Variants in IL1RN observed in about 807,000 individuals in gnomAD.
IL1RN encodes the protein interleukin-1 receptor antagonist protein.
IL1RN carries 10 observed loss-of-function variants against 13.7 expected under a neutral mutation model. The ratio of observed to expected loss-of-function variants is 0.73; its 90% confidence interval spans 0.45 to 1.24. The LOEUF (loss-of-function observed/expected upper bound fraction) is 1.24. IL1RN is among the 50% of genes most tolerant of loss of function. The probability of loss-of-function intolerance (pLI) is 0.00; values close to 1 mark genes in which losing one functional copy is unlikely to be tolerated. For synonymous variants in IL1RN, 102 were observed against 82.7 expected (o/e 1.23, Z -1.27); for missense variants, 213 against 222.1 (o/e 0.96, Z 0.26).
rs1484315177 is a variant in IL1RN, at chr2:113,133,438, G to T, written c.*567G>T. ...GAGGCTGAGGACTTAAAATATTCCT[G>T]CATTTGTGAAATGATGGTGAAAGTA... On this transcript the variant is annotated 3_prime_UTR_variant, in exon 4 of 4. Coordinates refer to ENST00000409930, the MANE Select transcript of IL1RN (RefSeq NM_173842.3). 6.4e-6 allele frequency: 1 copy of T among 157,286 alleles called. No individual in the cohort carries two copies. Among genetic ancestry groups the T allele is most frequent in the African/African-American group, 2.4e-5 (1 of 41,380 alleles). 9.7% of individuals were successfully genotyped at this position (157,286 alleles called of 1,614,324 possible). A position where few individuals can be genotyped will look rare whatever the true frequency, so the allele number is the denominator to read the frequency against.
At chr2:113,110,224 G>A (rs1366506094), upstream of IL1RN, among the ~76,000 whole-genome samples, 1 of 152,204 alleles carries the variant, frequency 6.6e-6, no homozygotes, top group Non-Finnish European at 1.5e-5. Context: ...TCCGGCAGTA[G>A]TGCCAACACT....
Position 113,131,112 on chromosome 2 carries a change from C to T in IL1RN, c.273C>T (p.Cys91=), listed in dbSNP as rs114573615. 2 of 1,613,552 alleles carry T rather than the reference C, an allele frequency of 1.2e-6. No homozygotes were observed. The highest frequency in any genetic ancestry group is 2.2e-5 in the East Asian group (1 of 44,880). ...TGGGAATCCATGGAGGGAAGATGTG[C>T]CTGTCCTGTGTCAAGTCTGGTGATG... The part of the protein sequence containing the change: ...LFLGIHGGKM[C]LSCVKSGDET... Residue 91 remains cysteine, a synonymous_variant, in exon 3 of 4, where the codon TGC becomes TGT. Coordinates refer to ENST00000409930, the MANE Select transcript of IL1RN (RefSeq NM_173842.3).
At position 113,121,045 on chromosome 2, in the gene IL1RN, CTCT is replaced by C. The variant is rs1265191762; in HGVS notation, c.73+929_73+931del. The stretch of plus-strand genomic sequence containing the variant: ...CCTCTTCTTCTTCTTCTTCTTCTTC[CTCT>C]TCTTCTTCTTCCTCCTCCTCCTCCT... On this transcript the variant is annotated intron_variant, in intron 2 of 5. Transcript: ENST00000259206. Among the ~76,000 whole-genome samples the C allele has an allele frequency of 1.2e-4, 7 of 58,474 alleles. No individual in the cohort carries two copies. In the South Asian group the frequency reaches 2.6e-3, roughly 22 times the overall value. The allele number at this position is 58,474 out of a possible 152,430, so 38.4% of individuals were successfully genotyped here.
chr2:113,128,190 C>T (rs954523626), intron 1 of IL1RN, among the ~76,000 whole-genome samples: 10 of 152,314 alleles, frequency 6.6e-5, no homozygotes, highest in East Asian at 1.9e-4. Context: ...ATGAGAGTCA[C>T]GATAACTCCT....
At chr2:113,121,662 G>C in intron 2 of IL1RN, 1 of 924,618 alleles carries the variant, frequency 1.1e-6, no homozygotes, top group Non-Finnish European at 1.3e-6. Context: ...GCTTCTTGTA[G>C]ATAACAGTTG....
chr2:113,105,341 T>C (rs947657574), upstream of IL1RN, among the ~76,000 whole-genome samples: 2 of 152,228 alleles, frequency 1.3e-5, no homozygotes, highest in African/African-American at 2.4e-5. Flanking sequence ...ATGGTGATTA[T>C]ATATCATCTC....
chr2:113,127,247 AC>A (rs1414455808), upstream of IL1RN, among the ~76,000 whole-genome samples: 2 of 152,194 alleles, frequency 1.3e-5, no homozygotes, highest in African/African-American at 2.4e-5. Context: ...TTATGAAAAA[AC>A]GGCCTTTCTG....
At chr2:113,114,789 G>A (rs550955658), upstream of IL1RN, among the ~76,000 whole-genome samples, 2 of 152,070 alleles carry the variant, frequency 1.3e-5, no homozygotes, top group Non-Finnish European at 2.9e-5. Flanking sequence ...AAATAGACAC[G>A]GTGCTTGCTG....
chr2:113,102,618 C>A (rs545404279), upstream of IL1RN, among the ~76,000 whole-genome samples: 8 of 152,086 alleles, frequency 5.3e-5, no homozygotes, highest in South Asian at 2.1e-4. Context: ...TGGGCTGAGT[C>A]TGAAAGAGAG....
chr2:113,124,085 T>G (rs1056738958), upstream of IL1RN, among the ~76,000 whole-genome samples: 1 of 152,088 alleles, frequency 6.6e-6, no homozygotes. Flanking sequence ...GCTTAGACAC[T>G]CCTGTTGTCT....
the IL1RN span, among the ~76,000 whole-genome samples, chr2:113,099,481 C>G: frequency 2.6e-5 from 4 of 152,216 alleles, no homozygotes; most frequent in Admixed American, 2.6e-4. Context: ...AGGCTACAAG[C>G]CTCCCAGCTG....
chr2:113,127,541 C>T (rs1687003127), upstream of IL1RN: 5 of 1,548,396 alleles, frequency 3.2e-6, no homozygotes, highest in Middle Eastern at 1.7e-4. Context: ...GTGGCAGACG[C>T]CTAGCTTGGG....
At chr2:113,100,865 G>A in the IL1RN span, among the ~76,000 whole-genome samples, 1 of 152,066 alleles carries the variant, frequency 6.6e-6, no homozygotes, top group South Asian at 2.1e-4. Context: ...TTGTAGGAGA[G>A]GAAAAATATT....
chr2:113,127,844 G>T (rs1228546909), intron 1 of IL1RN, 104 bp downstream of exon 1: 4 of 1,103,276 alleles, frequency 3.6e-6, no homozygotes, highest in Non-Finnish European at 5.4e-6. Flanking sequence ...CTGAGAACTG[G>T]GTTTGGGCTG....
chr2:113,131,118 C>G lies in IL1RN; in HGVS notation c.279C>G (p.Ser93=). 6.2e-7 allele frequency: 1 copy of G among 1,613,346 alleles called. No homozygotes were observed. Among genetic ancestry groups the G allele is most frequent in the South Asian group, 1.1e-5 (1 of 91,072 alleles). The stretch of plus-strand genomic sequence containing the variant: ...TCCATGGAGGGAAGATGTGCCTGTC[C>G]TGTGTCAAGTCTGGTGATGAGACCA... ...LGIHGGKMCL[S]CVKSGDETRL... Residue 93 remains serine, a synonymous_variant, in exon 3 of 4, where the codon TCC becomes TCG. Coordinates refer to ENST00000409930, the MANE Select transcript of IL1RN (RefSeq NM_173842.3).
At chr2:113,119,981 C>T in intron 1 of IL1RN, 1 of 1,060,686 alleles carries the variant, frequency 9.4e-7, no homozygotes, top group Non-Finnish European at 1.4e-6. Context: ...TGTGCATACA[C>T]TTTGTGTTAC....
chr2:113,130,994 A>G (rs377563656), intron 2 of IL1RN, 51 bp from the exon 3 acceptor site: 1 of 1,175,050 alleles, frequency 8.5e-7, no homozygotes, highest in Non-Finnish European at 1.3e-6. Context: ...TCTCTTCATT[A>G]TTGCTGCTTC....
At chr2:113,120,468 G>A (rs1266808658) in intron 2 of IL1RN, among the ~76,000 whole-genome samples, 1 of 152,258 alleles carries the variant, frequency 6.6e-6, no homozygotes, top group East Asian at 1.9e-4. Context: ...ACTGTGCCTG[G>A]AATTTGCAGC....
chr2:113,108,209 G>C (rs1248696096), upstream of IL1RN, among the ~76,000 whole-genome samples: 1 of 151,998 alleles, frequency 6.6e-6, no homozygotes, highest in Non-Finnish European at 1.5e-5. Flanking sequence ...AAAGCTAACA[G>C]TGGCAGTCGA....
Sources: allele counts gnomAD v4.1 joint callset (sites outside exome capture counted in the v4.1 genomes callset), GRCh38; gene constraint gnomAD v4.1.1; transcripts MANE v1.5; gene names NCBI Gene and HGNC (gene_info 2026-07-23, HGNC 2026-07-21).